CELF2: variants seen among roughly 807,000 people sequenced by gnomAD.
The protein encoded by CELF2 is CUGBP Elav-like family member 2.
A neutral mutation model predicts 62.6 loss-of-function variants in CELF2; 8 were observed. The observed-to-expected ratio is 0.13, with a 90% confidence interval of 0.07 to 0.23. The LOEUF is 0.23. CELF2 is among the 10% of genes least tolerant of loss of function. The pLI is 1.00. For synonymous variants in CELF2, 258 were observed against 250.0 expected, an observed-to-expected ratio of 1.03 and a Z score of -0.30; for missense variants, 333 against 671.0, an observed-to-expected ratio of 0.50 and a Z score of 5.56.
intron 1 of CELF2, among the ~76,000 whole-genome samples, chr10:11,137,986 A>G (rs17376956): frequency 0.039 from 5,940 of 152,314 alleles, 141 homozygotes; most frequent in Middle Eastern, 0.048. Context: ...AATAATTTGC[A>G]CAGTTTGTTA....
chr10:10,785,636 A>C, the CELF2 span, among the ~76,000 whole-genome samples: 276 of 152,290 alleles, frequency 1.8e-3, 2 homozygotes, highest in South Asian at 0.013. Context: ...AAAAACAAAC[A>C]CTGCATGGTC....
chr10:10,954,447 C>T (rs954814186), intron 2 of CELF2, among the ~76,000 whole-genome samples: 36 of 152,068 alleles, frequency 2.4e-4, no homozygotes, highest in Admixed American at 6.5e-4. Context: ...AGGATTTCAC[C>T]ATGTTGGTCA....
chr10:10,964,345 A>G (rs2049884947), intron 2 of CELF2, among the ~76,000 whole-genome samples: 1 of 152,216 alleles, frequency 6.6e-6, no homozygotes, highest in African/African-American at 2.4e-5. Context: ...TGATGTGATC[A>G]GTGATTAAGG....
At chr10:11,299,965 G>A (rs534816209) in intron 9 of CELF2, among the ~76,000 whole-genome samples, 51 of 152,150 alleles carry the variant, frequency 3.4e-4, no homozygotes, top group Non-Finnish European at 3.7e-4. Flanking sequence ...CATTTGCCCC[G>A]CTCGTAGGAG....
chr10:11,173,573 G>A (rs1350006758), intron 2 of CELF2, among the ~76,000 whole-genome samples: 1 of 152,184 alleles, frequency 6.6e-6, no homozygotes, highest in African/African-American at 2.4e-5. Context: ...AACACCACTA[G>A]CATAATTAGT....
At chr10:11,031,444 C>A (rs1404971724) in intron 1 of CELF2, among the ~76,000 whole-genome samples, 1 of 152,172 alleles carries the variant, frequency 6.6e-6, no homozygotes, top group Non-Finnish European at 1.5e-5. Flanking sequence ...TTCAGCAAAT[C>A]ATAAATTTCT....
chr10:10,650,214 T>C, the CELF2 span, among the ~76,000 whole-genome samples: 5 of 152,040 alleles, frequency 3.3e-5, no homozygotes, highest in African/African-American at 1.2e-4. Flanking sequence ...ATAAAACAAA[T>C]AAAGCAGAAC....
intron 1 of CELF2, among the ~76,000 whole-genome samples, chr10:11,155,896 A>G (rs756731631): frequency 4.2e-4 from 64 of 152,212 alleles, no homozygotes; most frequent in Admixed American, 4.1e-3. Flanking sequence ...TTTACGACTG[A>G]GAAAGGTAGC....
At chr10:10,828,474 A>G (rs2057589010) in intron 1 of CELF2, among the ~76,000 whole-genome samples, 1 of 152,188 alleles carries the variant, frequency 6.6e-6, no homozygotes, top group Admixed American at 6.5e-5. Flanking sequence ...AGATTCATAA[A>G]GACAGAAAGT....
chr10:10,946,931 C>T (rs1460262064), intron 2 of CELF2: 1 of 152,208 alleles, frequency 6.6e-6, no homozygotes, highest in Non-Finnish European at 1.5e-5. Flanking sequence ...CACATTTGTC[C>T]CATCTTTGAG....
intron 2 of CELF2, among the ~76,000 whole-genome samples, chr10:11,202,949 CTCTG>C (rs201724193): frequency 8.7e-3 from 386 of 44,204 alleles, no homozygotes; most frequent in Middle Eastern, 0.016. Flanking sequence ...CTCTCTCTCT[CTCTG>C]TGTGTGTGTG....
At chr10:11,102,279 C>T (rs1365824253) in intron 1 of CELF2, 1 of 152,206 alleles carries the variant, frequency 6.6e-6, no homozygotes, top group Admixed American at 6.5e-5. Context: ...TTTCAAGATA[C>T]TTGCCCGACT....
chr10:10,575,407 C>T, the CELF2 span, among the ~76,000 whole-genome samples: 4 of 152,184 alleles, frequency 2.6e-5, no homozygotes, highest in Non-Finnish European at 4.4e-5. Context: ...ACAAAACTTG[C>T]TCTATGTTGG....
intron 2 of CELF2, among the ~76,000 whole-genome samples, chr10:10,974,777 T>C (rs2051143636): frequency 6.6e-6 from 1 of 152,200 alleles, no homozygotes; most frequent in South Asian, 2.1e-4. Context: ...CTTAGACACA[T>C]TGAGCCCTGC....
chr10:11,072,007 C>T (rs139531072), intron 1 of CELF2, among the ~76,000 whole-genome samples: 4 of 152,230 alleles, frequency 2.6e-5, no homozygotes, highest in South Asian at 2.1e-4. Context: ...GTGACGACAC[C>T]GTGAGTTTGG....
the CELF2 span, among the ~76,000 whole-genome samples, chr10:10,490,890 A>C: frequency 6.6e-6 from 1 of 152,200 alleles, no homozygotes; most frequent in Non-Finnish European, 1.5e-5. Flanking sequence ...AGAGTTTTAC[A>C]GCCAGAGATA....
chr10:11,028,335 T>C (rs1455675192), intron 1 of CELF2, among the ~76,000 whole-genome samples: 1 of 152,118 alleles, frequency 6.6e-6, no homozygotes. Flanking sequence ...CCACACGATA[T>C]GAAGGCTGGT....
At chr10:10,516,746 A>AT in the CELF2 span, among the ~76,000 whole-genome samples, 1 of 150,306 alleles carries the variant, frequency 6.7e-6, no homozygotes, top group East Asian at 2.0e-4. Context: ...AAAAAAAAAA[A>AT]AGCAAAAATC....
At chr10:10,712,162 A>C in the CELF2 span, among the ~76,000 whole-genome samples, 3 of 149,178 alleles carry the variant, frequency 2.0e-5, no homozygotes, top group African/African-American at 5.1e-5. Context: ...AAAAAAAAAA[A>C]AAAAAAAAAA....
Sources: allele counts gnomAD v4.1 joint callset (sites outside exome capture counted in the v4.1 genomes callset), GRCh38; gene constraint gnomAD v4.1.1; transcripts MANE v1.5; gene names NCBI Gene and HGNC (gene_info 2026-07-23, HGNC 2026-07-21).